PRKD3: variants seen among roughly 807,000 people sequenced by gnomAD.
The protein encoded by PRKD3 is protein kinase D3, also known as serine/threonine-protein kinase D3.
Under a neutral mutation model 99.2 loss-of-function variants are expected in PRKD3, and 47 were observed. The observed-to-expected ratio is 0.47, with a 90% CI of 0.38 to 0.60. PRKD3 has a LOEUF of 0.60. Among genes scored for constraint, PRKD3 ranks in the 20% least tolerant of loss-of-function variants. The pLI is 0.00. For missense variants in PRKD3, 1,019 were observed against 1,088.4 expected, an observed-to-expected ratio of 0.94 and a Z score of 0.90; for synonymous variants, 392 against 355.4, an observed-to-expected ratio of 1.10 and a Z score of -1.16.
chr2:37,288,094 C>T (rs898277130), intron 5 of PRKD3, among the ~76,000 whole-genome samples: 7 of 152,140 alleles, frequency 4.6e-5, no homozygotes, highest in African/African-American at 1.2e-4. Flanking sequence ...AATGTAACAC[C>T]TTATCCACTT....
intron 2 of PRKD3, among the ~76,000 whole-genome samples, chr2:37,298,554 C>G (rs761988572): frequency 6.6e-6 from 1 of 151,882 alleles, no homozygotes; most frequent in Non-Finnish European, 1.5e-5. Context: ...CATGAGAATA[C>G]GTTAATATAT....
intron 3 of PRKD3, among the ~76,000 whole-genome samples, chr2:37,291,821 T>C (rs1159676756): frequency 6.6e-6 from 1 of 152,230 alleles, no homozygotes; most frequent in Admixed American, 6.5e-5. Flanking sequence ...AGCAGGGCTC[T>C]GACCCATGGC....
chr2:37,268,954 A>ATG (rs1669031727), intron 13 of PRKD3: 1 of 153,282 alleles, frequency 6.5e-6, no homozygotes, highest in South Asian at 2.0e-4. Flanking sequence ...TAAGAGTTGT[A>ATG]TGAAAAGAAG....
intron 7 of PRKD3, among the ~76,000 whole-genome samples, chr2:37,280,857 T>TG (rs1484194526): frequency 6.6e-6 from 1 of 152,218 alleles, no homozygotes; most frequent in African/African-American, 2.4e-5. Flanking sequence ...GCAAATCATA[T>TG]GCCAGATAAG....
intron 2 of PRKD3, among the ~76,000 whole-genome samples, chr2:37,299,279 T>C (rs1377525467): frequency 6.6e-6 from 1 of 152,002 alleles, no homozygotes; most frequent in Non-Finnish European, 1.5e-5. Flanking sequence ...AAGAAAACAA[T>C]GGGGAAACAC....
chr2:37,289,244 G>A lies in PRKD3; in HGVS notation c.717+112C>T, dbSNP rs893147157. 42 of 1,266,992 alleles carry A rather than the reference G, an allele frequency of 3.3e-5. No homozygotes were observed. The African/African-American group carries it at 6.2e-4, about 19-fold the overall frequency. The allele number at this position is 1,266,992 out of a possible 1,614,324, so 78.5% of individuals were successfully genotyped here. A position where few individuals can be genotyped will look rare whatever the true frequency, so the allele number is the denominator to read the frequency against. ...CTACATTTTATGTTTCTTAAGTGTA[G>A]GAACATTACCATTCTTTAGCATATA... On this transcript the variant is annotated intron_variant, in intron 5 of 18. Transcript: ENST00000234179.
intron 14 of PRKD3, among the ~76,000 whole-genome samples, chr2:37,266,030 G>C (rs916065970): frequency 1.3e-5 from 2 of 152,078 alleles, no homozygotes; most frequent in African/African-American, 2.4e-5. Flanking sequence ...AAAAATACCT[G>C]ACAACATATT....
rs1667433557 is a variant in PRKD3, at chr2:37,250,895, A to G, written c.*2282T>C. 6.5e-6 allele frequency: 1 copy of G among 152,676 alleles called. No homozygotes were observed. The highest frequency in any genetic ancestry group is 1.9e-4 in the East Asian group (1 of 5,204). The allele number at this position is 152,676 out of a possible 1,614,324, so 9.5% of individuals were successfully genotyped here. A position where few individuals can be genotyped will look rare whatever the true frequency, so the allele number is the denominator to read the frequency against. On this transcript the variant is annotated 3_prime_UTR_variant, in exon 19 of 19. Transcript: ENST00000234179. Reference sequence around the variant, plus strand: ...AGACAAAAAGTTATGCAGGTTATACAGTATCTGGAATAATCATTCAACTCC... The same window carrying G: ...AGACAAAAAGTTATGCAGGTTATACGGTATCTGGAATAATCATTCAACTCC...
chr2:37,290,124 G>C (rs1572672341), intron 4 of PRKD3, among the ~76,000 whole-genome samples: 1 of 152,126 alleles, frequency 6.6e-6, no homozygotes, highest in Non-Finnish European at 1.5e-5. Flanking sequence ...AAAGTTGATT[G>C]ACCCTCCACC....
At chr2:37,294,494 G>A (rs1045805978) in intron 2 of PRKD3, among the ~76,000 whole-genome samples, 2 of 152,080 alleles carry the variant, frequency 1.3e-5, no homozygotes, top group Admixed American at 6.6e-5. Flanking sequence ...GGTAAATAAT[G>A]GGAAAGTACA....
chr2:37,255,080 T>A (rs895896062), intron 17 of PRKD3, among the ~76,000 whole-genome samples: 4 of 152,206 alleles, frequency 2.6e-5, no homozygotes, highest in Non-Finnish European at 5.9e-5. Flanking sequence ...TTCTTGTCTC[T>A]ATACTACCAA....
intron 2 of PRKD3, among the ~76,000 whole-genome samples, chr2:37,314,293 A>G (rs1383805079): frequency 6.6e-6 from 1 of 152,202 alleles, no homozygotes; most frequent in Non-Finnish European, 1.5e-5. Flanking sequence ...TGTAAAATTC[A>G]GTTTACTATA....
intron 1 of PRKD3, among the ~76,000 whole-genome samples, chr2:37,321,309 T>C (rs9309005): frequency 0.044 from 6,700 of 152,274 alleles, 161 homozygotes; most frequent in African/African-American, 0.051. Context: ...TTACATAATC[T>C]GTCATCATTG....
intron 14 of PRKD3, among the ~76,000 whole-genome samples, chr2:37,261,571 G>T (rs989758655): frequency 1.3e-5 from 2 of 151,778 alleles, no homozygotes; most frequent in African/African-American, 2.4e-5. Context: ...ACCTGAGATC[G>T]GGAGTTCGAG....
chr2:37,278,177 A>G (rs900228989), intron 8 of PRKD3, 188 bp from the exon 9 acceptor site: 12 of 345,548 alleles, frequency 3.5e-5, no homozygotes, highest in Non-Finnish European at 5.1e-5. Context: ...TTTTAAGCTA[A>G]TATTTTAAAT....
chr2:37,254,354 G>C, intron 17 of PRKD3, 65 bp from the exon 18 acceptor site: 1 of 1,254,514 alleles, frequency 8.0e-7, no homozygotes, highest in South Asian at 1.2e-5. Context: ...ACTTGTGACT[G>C]CCTAGAAGGC....
At chr2:37,267,359 A>G (rs753611619) in intron 14 of PRKD3, 71 bp downstream of exon 14, 4 of 1,128,420 alleles carry the variant, frequency 3.5e-6, no homozygotes, top group Admixed American at 4.9e-5. Flanking sequence ...AAAAAAAAAA[A>G]AAAGAGAAGC....
At chr2:37,301,723 T>C (rs569586902) in intron 2 of PRKD3, among the ~76,000 whole-genome samples, 1 of 152,202 alleles carries the variant, frequency 6.6e-6, no homozygotes, top group Non-Finnish European at 1.5e-5. Context: ...ATGGTGTATA[T>C]ATATCCCTTC....
At chr2:37,311,728 GA>G (rs1025010475) in intron 2 of PRKD3, among the ~76,000 whole-genome samples, 1 of 152,130 alleles carries the variant, frequency 6.6e-6, no homozygotes, top group African/African-American at 2.4e-5. Context: ...TTCAATATTT[GA>G]AAAAATGTAT....
Sources: allele counts gnomAD v4.1 joint callset (sites outside exome capture counted in the v4.1 genomes callset), GRCh38; gene constraint gnomAD v4.1.1; transcripts MANE v1.5; gene names NCBI Gene and HGNC (gene_info 2026-07-23, HGNC 2026-07-21).